The following C20orf96 variants were observed in gnomAD, a reference collection of about 807,000 sequenced individuals.
C20orf96 encodes uncharacterized protein C20orf96.
C20orf96 carries 57 observed loss-of-function variants against 52.6 expected under a neutral mutation model. The ratio of observed to expected loss-of-function variants is 1.08; its 90% CI spans 0.88 to 1.35. The LOEUF is 1.35. Among genes scored for constraint, C20orf96 ranks in the 40% most tolerant of loss-of-function variants. The probability of loss-of-function intolerance (pLI) is 0.00; values close to 1 mark genes in which losing one functional copy is unlikely to be tolerated. For missense variants in C20orf96, 478 were observed against 443.6 expected, an observed-to-expected ratio of 1.08 and a Z score of -0.70; for synonymous variants, 168 against 157.2, an observed-to-expected ratio of 1.07 and a Z score of -0.51.
At chr20:286,949 A>G (rs979383634) in intron 3 of C20orf96, among the ~76,000 whole-genome samples, 5 of 152,212 alleles carry the variant, frequency 3.3e-5, no homozygotes, top group African/African-American at 1.2e-4. Context: ...TTTACTTGGC[A>G]TAATTCTCTG....
At chr20:281,537 C>T (rs1243798081) in intron 4 of C20orf96, among the ~76,000 whole-genome samples, 2 of 152,210 alleles carry the variant, frequency 1.3e-5, no homozygotes, top group South Asian at 4.1e-4. Flanking sequence ...GCCCTCAGCT[C>T]CTTTATTTCT....
chr20:290,482 A>T (rs1821518037), intron 1 of C20orf96, 109 bp downstream of exon 1: 2 of 1,481,706 alleles, frequency 1.3e-6, no homozygotes, highest in East Asian at 2.5e-5. Flanking sequence ...GACGGGGGTC[A>T]GAAGACCGAG....
At chr20:279,138 G>T (rs138321265) in intron 5 of C20orf96, 34 bp downstream of exon 5, 50,161 of 1,505,008 alleles carry the variant, frequency 0.033, 1,813 homozygotes, top group African/African-American at 0.087. Context: ...TTGGGACGGA[G>T]GGACGGAGGG....
chr20:283,429 G>A (rs139691727), intron 4 of C20orf96, among the ~76,000 whole-genome samples: 2,133 of 151,978 alleles, frequency 0.014, 54 homozygotes, highest in African/African-American at 0.047. Context: ...TCAGCCTCCC[G>A]AGTAGCTGGG....
At chr20:279,461 G>T (rs796080877) in intron 4 of C20orf96, 131 bp from the exon 5 acceptor site, 1 of 1,060,364 alleles carries the variant, frequency 9.4e-7, no homozygotes, top group Non-Finnish European at 1.3e-6. Flanking sequence ...GGTAAACGCG[G>T]CCCAAGCTGG....
intron 3 of C20orf96, 82 bp downstream of exon 3, chr20:289,477 T>C (rs1267213890): frequency 1.1e-5 from 9 of 841,250 alleles, no homozygotes; most frequent in Non-Finnish European, 1.4e-5. Context: ...TACCCTAATA[T>C]AAGTGGTGTC....
chr20:277,336 G>A lies in C20orf96; in HGVS notation c.613C>T (p.Gln205Ter), dbSNP rs150666895. 6.2e-7 allele frequency: 1 copy of A among 1,614,128 alleles called. No individual in the cohort carries two copies. Among genetic ancestry groups the A allele is most frequent in the Non-Finnish European group, 8.5e-7 (1 of 1,180,026 alleles). Reference sequence around the variant, plus strand: ...GTGCTCAGGAAGTTCACTTCCTCCTGGGTCTTCTCAATCTTGGCATTCAGC... The same window carrying A: ...GTGCTCAGGAAGTTCACTTCCTCCTAGGTCTTCTCAATCTTGGCATTCAGC... ...EQLNAKIEKT[Q>*]EEVNFLSTYM... The change falls in exon 7 of 11, where the codon CAG becomes TAG. Residue 205 changes from glutamine (Q) to a stop codon, truncating the protein, a stop_gained. Transcript: ENST00000360321. LOFTEE classifies it high-confidence loss of function.
intron 10 of C20orf96, among the ~76,000 whole-genome samples, chr20:274,851 G>A (rs551718358): frequency 1.0e-4 from 15 of 150,382 alleles, no homozygotes; most frequent in South Asian, 2.1e-4. Context: ...ATGGAGTCTC[G>A]CTCTGTCACC....
At chr20:283,087 T>A (rs1201548050) in intron 4 of C20orf96, among the ~76,000 whole-genome samples, 1 of 152,238 alleles carries the variant, frequency 6.6e-6, no homozygotes, top group Admixed American at 6.5e-5. Flanking sequence ...GTAGTCTTTA[T>A]AATACTTAGT....
At chr20:274,629 G>C (rs1037824380) in intron 10 of C20orf96, among the ~76,000 whole-genome samples, 1 of 151,622 alleles carries the variant, frequency 6.6e-6, no homozygotes, top group Non-Finnish European at 1.5e-5. Context: ...TATTTATTAC[G>C]TCCCCCGGAG....
intron 4 of C20orf96, among the ~76,000 whole-genome samples, chr20:280,052 G>A (rs1318216935): frequency 6.6e-6 from 1 of 152,110 alleles, no homozygotes; most frequent in Admixed American, 6.5e-5. Flanking sequence ...AAGCAGGGGA[G>A]GCAAAATGGA....
intron 6 of C20orf96, 134 bp from the exon 7 acceptor site, chr20:277,517 G>T: frequency 1.2e-6 from 1 of 848,418 alleles, no homozygotes; most frequent in Non-Finnish European, 1.9e-6. Flanking sequence ...GCTCACACAG[G>T]GCTGGGAGGT....
chr20:286,590 GAAAAGA>G (rs147067453), intron 3 of C20orf96, among the ~76,000 whole-genome samples: 6,053 of 150,458 alleles, frequency 0.04, 404 homozygotes, highest in African/African-American at 0.14. Flanking sequence ...AGAGGAAAAG[GAAAAGA>G]AAAAGAAAAA....
chr20:290,563 A>AATTTTTTTTTTT, intron 1 of C20orf96, 28 bp downstream of exon 1: 1 of 1,309,060 alleles, frequency 7.6e-7, no homozygotes, highest in African/African-American at 2.0e-5. Context: ...CTTTCTTCCA[A>AATTTTTTTTTTT]TTTTTTTTTT....
Position 284,059 on chromosome 20 carries a change from C to G in C20orf96, c.210G>C (p.Thr70=). The change falls in exon 4 of 11, where the codon ACG becomes ACC. Residue 70 remains threonine, a synonymous_variant. Transcript: ENST00000360321. ...TCTTCGGCTGGCAGCTTGTCACCACCGTAGTGGGCTTGAAGTGAAACACTA... is the reference window on the plus strand; with the variant it reads ...TCTTCGGCTGGCAGCTTGTCACCACGGTAGTGGGCTTGAAGTGAAACACTA... ...VQPVFHFKPT[T]VVTSCQPKNP... 1 of 1,614,064 alleles carries G rather than the reference C, an allele frequency of 6.2e-7. No homozygotes were observed. The highest frequency in any genetic ancestry group is 8.5e-7 in the Non-Finnish European group (1 of 1,179,972).
At chr20:279,426 G>A in intron 4 of C20orf96, 96 bp from the exon 5 acceptor site, 3 of 1,339,098 alleles carry the variant, frequency 2.2e-6, no homozygotes, top group Non-Finnish European at 1.9e-6. Context: ...CCCGCCAGAC[G>A]CCCGCCCCCG....
intron 6 of C20orf96, 77 bp downstream of exon 6, chr20:278,253 T>C: frequency 2.8e-6 from 3 of 1,053,422 alleles, no homozygotes; most frequent in Non-Finnish European, 4.5e-6. Context: ...GAATGGCAAG[T>C]ACAAGGTGAA....
intron 3 of C20orf96, among the ~76,000 whole-genome samples, chr20:287,408 A>G (rs558149187): frequency 4.6e-5 from 7 of 152,292 alleles, no homozygotes; most frequent in South Asian, 2.1e-4. Context: ...CATTGCCCCA[A>G]TGGCTAATGA....
intron 3 of C20orf96, among the ~76,000 whole-genome samples, chr20:288,181 T>TA (rs200200141): frequency 7.0e-6 from 1 of 142,782 alleles, no homozygotes; most frequent in African/African-American, 2.6e-5. Context: ...TTTCTTTTTT[T>TA]TTTTTTTTTT....
Sources: allele counts gnomAD v4.1 joint callset (sites outside exome capture counted in the v4.1 genomes callset), GRCh38; gene constraint gnomAD v4.1.1; transcripts MANE v1.5; gene names NCBI Gene and HGNC (gene_info 2026-07-23, HGNC 2026-07-21).